The following MTMR1 variants were observed in gnomAD, a reference collection of about 807,000 sequenced individuals.
MTMR1 encodes the protein myotubularin related protein 1, also known as phosphatidylinositol-3-phosphate phosphatase MTMR1.
A neutral mutation model predicts 51.6 loss-of-function variants in MTMR1; 17 were observed. The observed-to-expected ratio is 0.33, with a 90% confidence interval of 0.23 to 0.49. MTMR1 has a LOEUF of 0.49. Among genes scored for constraint, MTMR1 ranks in the 20% least tolerant of loss-of-function variants. The pLI is 0.99. For synonymous variants in MTMR1, 201 were observed against 205.6 expected (o/e 0.98, Z 0.19); for missense variants, 386 against 526.9 (o/e 0.73, Z 2.62).
chrX:150,751,066 C>T, intron 14 of MTMR1: 1 of 1,139,240 alleles, frequency 8.8e-7, no homozygotes. Context: ...CCGTGGCTCT[C>T]TCAGGAGTAG....
chrX:150,727,575 A>G, intron 5 of MTMR1, 109 bp from the exon 6 acceptor site: 2 of 603,792 alleles, frequency 3.3e-6, no homozygotes, highest in South Asian at 3.1e-5. Context: ...TAGCTGGGAC[A>G]AAGAGGAAAT....
At chrX:150,701,962 C>T (rs782719934) in intron 2 of MTMR1, among the ~76,000 whole-genome samples, 36 of 111,872 alleles carry the variant, frequency 3.2e-4, no homozygotes, top group African/African-American at 1.1e-3. Flanking sequence ...TACAGTTAGA[C>T]TTGGGATTTG....
At chrX:150,755,588 G>GT in intron 14 of MTMR1, 101 bp from the exon 15 acceptor site, 1 of 641,335 alleles carries the variant, frequency 1.6e-6, no homozygotes, top group South Asian at 3.4e-5. Context: ...ATTTTTCAGC[G>GT]TTTGAATTCA....
intron 7 of MTMR1, 87 bp downstream of exon 7, chrX:150,730,297 T>C: frequency 1.4e-6 from 1 of 692,725 alleles, no homozygotes; most frequent in Non-Finnish European, 2.1e-6. Flanking sequence ...CCAGAGGTTT[T>C]TTTTTTTCCT....
intron 13 of MTMR1, 30 bp from the exon 14 acceptor site, chrX:150,750,700 G>T: frequency 9.9e-7 from 1 of 1,013,265 alleles, no homozygotes; most frequent in South Asian, 2.0e-5. Flanking sequence ...TGGACTCTAT[G>T]ACTAAACCTT....
chrX:150,728,088 A>G (rs782328594), intron 6 of MTMR1, among the ~76,000 whole-genome samples: 19 of 111,940 alleles, frequency 1.7e-4, no homozygotes, highest in Non-Finnish European at 2.4e-4. Context: ...ATGTCAAATG[A>G]TGTAGTATTT....
chrX:150,735,302 C>G, intron 10 of MTMR1: 1 of 338,909 alleles, frequency 3.0e-6, no homozygotes, highest in East Asian at 4.6e-5. Context: ...AATAAAACCT[C>G]CTTACATTCC....
chrX:150,745,015 G>C (rs782346591), intron 13 of MTMR1, among the ~76,000 whole-genome samples: 18 of 112,674 alleles, frequency 1.6e-4, no homozygotes, highest in Admixed American at 6.5e-4. Flanking sequence ...GGTAAAGAAG[G>C]GAGCCATCTA....
intron 13 of MTMR1, among the ~76,000 whole-genome samples, chrX:150,750,473 G>A (rs141297949): frequency 1.3e-3 from 141 of 111,700 alleles, no homozygotes; most frequent in African/African-American, 4.1e-3. Flanking sequence ...CTGTCCTGCC[G>A]CCATGGTGAG....
In MTMR1 at chrX:150,752,483, ACCT is replaced by A. The variant is rs201771008; in HGVS notation, c.1680+1644_1680+1646del. 6.7e-3 allele frequency among the ~76,000 whole-genome samples: 751 copies of A among 111,512 alleles called. 16 individuals are homozygous for A. The highest frequency in any genetic ancestry group is 0.065 in the Admixed American group (683 of 10,444). ...GGCCCAGTGTGATGGGGACTTGCTA[ACCT>A]CCTAATAAAAAGAAAAACATTTTTA... is the stretch of plus-strand genomic sequence containing the variant. On this transcript the variant is annotated intron_variant, in intron 14 of 15. Coordinates refer to ENST00000445323, the MANE Select transcript of MTMR1 (RefSeq NM_001306144.3).
At chrX:150,715,917 A>AT (rs781982455) in intron 3 of MTMR1, among the ~76,000 whole-genome samples, 223 of 112,435 alleles carry the variant, frequency 2.0e-3, no homozygotes, top group African/African-American at 6.3e-3. Flanking sequence ...GAAATGCTTG[A>AT]TTTTCAACTT....
At chrX:150,698,250 C>T (rs1340695613) in intron 1 of MTMR1, among the ~76,000 whole-genome samples, 11 of 109,550 alleles carry the variant, frequency 1.0e-4, no homozygotes, top group African/African-American at 3.7e-4. Flanking sequence ...GCCGAGATCG[C>T]GCCACTGCAC....
chrX:150,739,289 G>A (rs977554359), intron 12 of MTMR1, among the ~76,000 whole-genome samples: 1 of 112,866 alleles, frequency 8.9e-6, no homozygotes, highest in Non-Finnish European at 1.9e-5. Context: ...TGGGAGAAAT[G>A]AGTTTATATG....
rs782215769 is a variant in MTMR1, at chrX:150,757,097, CTCTCACCTAGGG to C, written c.1857+1236_1857+1247del. 1.9e-3 allele frequency among the ~76,000 whole-genome samples: 217 copies of C among 112,822 alleles called. 4 individuals carry two copies. The highest frequency in any genetic ancestry group is 6.4e-3 in the African/African-American group (200 of 31,108). On this transcript the variant is annotated intron_variant, in intron 15 of 15. Coordinates refer to ENST00000445323, the MANE Select transcript of MTMR1 (RefSeq NM_001306144.3). Reference sequence around the variant, plus strand: ...TCTCCATCCTCCTGCTCCCTCATCCCTCTCACCTAGGGTCTTCATGATCTCTAGATCGTCTCC... The same window carrying C: ...TCTCCATCCTCCTGCTCCCTCATCCCTCTTCATGATCTCTAGATCGTCTCC...
At position 150,755,840 on chromosome X, in the gene MTMR1, G is replaced by A. The variant is rs1557417741; in HGVS notation, c.1832G>A (p.Arg611Gln). 1.1e-5 allele frequency: 13 copies of A among 1,202,353 alleles called. No individual in the cohort carries two copies. Among genetic ancestry groups the A allele is most frequent in the South Asian group, 1.8e-5 (1 of 54,840 alleles). The change falls in exon 15 of 16, where the codon CGA (arginine) becomes CAA (glutamine). Residue 611 changes from arginine (R) to glutamine (Q), a missense_variant. Coordinates refer to ENST00000445323, the MANE Select transcript of MTMR1 (RefSeq NM_001306144.3). Reference protein sequence around the residue: ...HLELWVNYYVRWNPRMRPQMP... With the variant: ...HLELWVNYYVQWNPRMRPQMP... ...GAATTGTGGGTAAATTATTATGTAC[G>A]ATGGAATCCACGGATGAGACCTCAG...
intron 14 of MTMR1, among the ~76,000 whole-genome samples, chrX:150,754,896 G>A (rs1367686821): frequency 9.1e-6 from 1 of 110,078 alleles, no homozygotes; most frequent in Non-Finnish European, 1.9e-5. Context: ...ATGGTGGCGT[G>A]CGCCTGTAGT....
In MTMR1 at chrX:150,730,162, G is replaced by A. The variant is rs782687738; in HGVS notation, c.609G>A (p.Gly203=). Reference sequence around the variant, plus strand: ...AACAGGAAGAACAGAGTAAACTAGGGATATTTGAAAACCTCAACAAACATG... The same window carrying A: ...AACAGGAAGAACAGAGTAAACTAGGAATATTTGAAAACCTCAACAAACATG... ...AYKQEEQSKL[G]IFENLNKHAF... Residue 203 remains glycine (G), a synonymous_variant, in exon 7 of 16, where the codon GGG becomes GGA. Transcript: ENST00000445323. 4.1e-5 allele frequency: 50 copies of A among 1,206,046 alleles called. No homozygotes were observed. The highest frequency in any genetic ancestry group is 5.4e-5 in the Non-Finnish European group (48 of 893,012).
chrX:150,708,879 C>A (rs1486482990), intron 2 of MTMR1, among the ~76,000 whole-genome samples: 2 of 111,705 alleles, frequency 1.8e-5, no homozygotes, highest in African/African-American at 6.5e-5. Flanking sequence ...GTGTGGTTCG[C>A]CTGAGGTCCT....
chrX:150,762,558 C>G lies in MTMR1; in HGVS notation c.1858-7C>G. On this transcript the variant is annotated splice_polypyrimidine_tract_variant and splice_region_variant and intron_variant, in intron 15 of 15. Transcript: ENST00000445323. ...TGATAATGCAGCTTTGTCTCTGCTC[C>G]CTCCAGATGCCCATTCACCAGAATC... 1 of 1,212,017 alleles carries G rather than the reference C, an allele frequency of 8.3e-7. No homozygotes were observed. Among genetic ancestry groups the G allele is most frequent in the Non-Finnish European group, 1.1e-6 (1 of 895,464 alleles).
Sources: gnomAD v4.1 joint callset for allele counts (sites outside exome capture counted in the v4.1 genomes callset) on GRCh38, gnomAD v4.1.1 for gene constraint, MANE v1.5 for transcripts, NCBI Gene and HGNC (gene_info 2026-07-23, HGNC 2026-07-21) for gene names.